PEX5: variants seen among roughly 807,000 people sequenced by gnomAD.
The protein encoded by PEX5 is PTS1 receptor.
PEX5 carries 52 observed loss-of-function variants against 82.9 expected under a neutral mutation model. The observed-to-expected ratio is 0.63, with a 90% confidence interval of 0.50 to 0.79. The LOEUF (loss-of-function observed/expected upper bound fraction) is 0.79, where lower values mean the gene tolerates loss of function less well. Among genes scored for constraint, PEX5 ranks in the 30% least tolerant of loss-of-function variants. The pLI is 0.00. For synonymous variants in PEX5, 300 were observed against 318.8 expected (o/e 0.94, Z 0.63); for missense variants, 719 against 815.2 (o/e 0.88, Z 1.44).
intron 10 of PEX5, among the ~76,000 whole-genome samples, chr12:7,207,211 G>C (rs926506860): frequency 2.6e-5 from 4 of 152,208 alleles, no homozygotes; most frequent in African/African-American, 9.7e-5. Flanking sequence ...AGTTATATTT[G>C]AATAGCAGGA....
chr12:7,210,376 C>G lies in PEX5; in HGVS notation c.*153C>G. 1.4e-6 allele frequency: 1 copy of G among 713,918 alleles called. No individual in the cohort carries two copies. Among genetic ancestry groups the G allele is most frequent in the Non-Finnish European group, 2.5e-6 (1 of 398,502 alleles). The allele number at this position is 713,918 out of a possible 1,614,324, so 44.2% of individuals were successfully genotyped here. ...CTGCCTCAACGTAGGGGTGGGTAGT[C>G]TGTGTTCTAGTTCCTACATAATTGT... On this transcript the variant is annotated 3_prime_UTR_variant, in exon 16 of 16. Coordinates refer to ENST00000675855, the MANE Select transcript of PEX5 (RefSeq NM_001351132.2).
Position 7,204,881 on chromosome 12 carries a change from G to GA in PEX5, c.966+1338dup, listed in dbSNP as rs777880393. ...AAATTAGAAAGCAAATTTTTTTTTA[G>GA]AAAAAAAATCACATTTGATCAGGTT... On this transcript the variant is annotated intron_variant, in intron 10 of 15. Transcript: ENST00000675855. Among the ~76,000 whole-genome samples, 529 of 149,872 alleles carry GA rather than the reference G, an allele frequency of 3.5e-3. 3 individuals carry two copies. The highest frequency in any genetic ancestry group is 0.011 in the African/African-American group (456 of 40,770).
At position 7,198,091 on chromosome 12, in the gene PEX5, G is replaced by A. The variant is rs997811447; in HGVS notation, c.449-920G>A. Among the ~76,000 whole-genome samples, 3 of 152,062 alleles carry A rather than the reference G, an allele frequency of 2.0e-5. 1 individual carries two copies. The highest frequency in any genetic ancestry group is 7.2e-5 in the African/African-American group (3 of 41,406). On this transcript the variant is annotated intron_variant, in intron 5 of 15. Transcript: ENST00000675855. The stretch of plus-strand genomic sequence containing the variant: ...GATAGTAAAGGGCAAAGTCCTGGAG[G>A]ATGAAAAACAGTTCAGCACCCTCAT...
At chr12:7,209,878 T>C (rs1193287689) in intron 15 of PEX5, 38 bp downstream of exon 15, 3 of 1,613,330 alleles carry the variant, frequency 1.9e-6, no homozygotes, top group Non-Finnish European at 1.7e-6. Context: ...AATGAGCTTT[T>C]TCTCCCTGCC....
chr12:7,216,200 T>C (rs149328549), downstream of PEX5, among the ~76,000 whole-genome samples: 2,930 of 152,284 alleles, frequency 0.019, 87 homozygotes, highest in African/African-American at 0.066. Context: ...ACTCCTGACG[T>C]CAGGTGATCC....
In PEX5 at chr12:7,190,424, C is replaced by T. The variant is rs149871252; in HGVS notation, c.47C>T (p.Pro16Leu). Residue 16 changes from proline (P) to leucine (L), a missense_variant, in exon 2 of 16, where the codon CCG becomes CTG. Transcript: ENST00000675855. ...LVEAECGGANPLMKLAGHFTQ... is the reference protein window; with the variant it reads ...LVEAECGGANLLMKLAGHFTQ... ...GAGGCCGAATGCGGGGGTGCCAACC[C>T]GCTCATGAAGCTCGCCGGGCACTTC... 3.7e-6 allele frequency: 6 copies of T among 1,614,092 alleles called. No homozygotes were observed. Among genetic ancestry groups the T allele is most frequent in the Non-Finnish European group, 5.1e-6 (6 of 1,180,046 alleles).
At chr12:7,191,452 T>G in intron 4 of PEX5, 94 bp downstream of exon 4, 1 of 1,598,962 alleles carries the variant, frequency 6.3e-7, no homozygotes. Context: ...ATTGGGGACC[T>G]GAGATGCAGA....
At chr12:7,195,772 C>T (rs1852014806) in intron 5 of PEX5, among the ~76,000 whole-genome samples, 1 of 151,282 alleles carries the variant, frequency 6.6e-6, no homozygotes, top group Admixed American at 6.6e-5. Context: ...TATTTTTCAA[C>T]AGAATGGAGC....
downstream of PEX5, among the ~76,000 whole-genome samples, chr12:7,211,645 CT>C (rs777791922): frequency 3.3e-3 from 477 of 146,096 alleles, 1 homozygote; most frequent in African/African-American, 0.011. Context: ...TTCTCTGGGC[CT>C]CTGGGCTAGC....
In PEX5 at chr12:7,210,205, G is replaced by A. The variant is rs145886418; in HGVS notation, c.1902G>A (p.Met634Ile). ...DARDLSTLLT[M>I]FGLPQ ...GGGATCTGTCCACCCTCCTAACTAT[G>A]TTTGGCCTGCCCCAGTGACAGTGGG... The change falls in exon 16 of 16, where the codon ATG becomes ATA. Residue 634 changes from methionine to isoleucine, a missense_variant. By Grantham distance (10) the Met-to-Ile change is conservative. Coordinates refer to ENST00000675855, the MANE Select transcript of PEX5 (RefSeq NM_001351132.2). 7.6e-5 allele frequency: 122 copies of A among 1,614,082 alleles called. No individual in the cohort carries two copies. The highest frequency in any genetic ancestry group is 3.3e-4 in the Middle Eastern group (2 of 6,082).
Position 7,189,938 on chromosome 12 carries a change from T to C in PEX5, c.-17+188T>C, listed in dbSNP as rs186539500. ...CCGGTGACTTAAGGGGAGGGAATGC[T>C]CCTCTGCCGTGCTCACCGCGTGCTG... On this transcript the variant is annotated intron_variant, in intron 1 of 15. Coordinates refer to ENST00000675855, the MANE Select transcript of PEX5 (RefSeq NM_001351132.2). 3,521 of 1,476,546 alleles carry C rather than the reference T, an allele frequency of 2.4e-3. 68 individuals carry two copies. The African/African-American group carries it at 0.041, about 17-fold the overall frequency. 91.5% of individuals were successfully genotyped at this position (1,476,546 alleles called of 1,614,324 possible). A position where few individuals can be genotyped will look rare whatever the true frequency, so the allele number is the denominator to read the frequency against.
intron 5 of PEX5, among the ~76,000 whole-genome samples, chr12:7,198,156 C>T (rs766530223): frequency 6.6e-6 from 1 of 152,242 alleles, no homozygotes; most frequent in South Asian, 2.1e-4. Context: ...GATGTTGCAG[C>T]AGTCCCCTTT....
chr12:7,208,305 A>G (rs1400661851), intron 12 of PEX5, 152 bp from the exon 13 acceptor site: 5 of 744,404 alleles, frequency 6.7e-6, no homozygotes, highest in Non-Finnish European at 9.6e-6. Flanking sequence ...TTCCCCTTAG[A>G]TCTGTAACTT....
At position 7,190,168 on chromosome 12, in the gene PEX5, A is replaced by AG. The variant is rs1430572894; in HGVS notation, c.-16-188dup. On this transcript the variant is annotated intron_variant, in intron 1 of 15. Coordinates refer to ENST00000675855, the MANE Select transcript of PEX5 (RefSeq NM_001351132.2). ...CGCAGGCTGGAAGCGGTGGCCTTTG[A>AG]GGGGGGCGGCAGGAGAGAGTACCGA... The AG allele has an allele frequency of 1.8e-5, 27 of 1,498,248 alleles. 1 individual carries two copies. The highest frequency in any genetic ancestry group is 2.8e-5 in the African/African-American group (2 of 71,788). 92.8% of individuals were successfully genotyped at this position (1,498,248 alleles called of 1,614,324 possible).
downstream of PEX5, among the ~76,000 whole-genome samples, chr12:7,214,831 G>A (rs956078176): frequency 4.6e-5 from 7 of 151,558 alleles, no homozygotes; most frequent in Non-Finnish European, 8.8e-5. Context: ...GGAAATCTTC[G>A]GATATAGACT....
chr12:7,201,194 T>C (rs10743271), intron 6 of PEX5, among the ~76,000 whole-genome samples: 42,144 of 149,208 alleles, frequency 0.28, 6,199 homozygotes, highest in South Asian at 0.36. Flanking sequence ...CACGCATACA[T>C]ACACATACAT....
Position 7,190,425 on chromosome 12 carries a change from G to A in PEX5, c.48G>A (p.Pro16=), listed in dbSNP as rs147958315. Residue 16 remains proline, a synonymous_variant, in exon 2 of 16, where the codon CCG becomes CCA. Transcript: ENST00000675855. ...LVEAECGGAN[P]LMKLAGHFTQ... ...AGGCCGAATGCGGGGGTGCCAACCCGCTCATGAAGCTCGCCGGGCACTTCA... is the reference window on the plus strand; with the variant it reads ...AGGCCGAATGCGGGGGTGCCAACCCACTCATGAAGCTCGCCGGGCACTTCA... The A allele has an allele frequency of 1.1e-4, 178 of 1,614,102 alleles. No homozygotes were observed. Among genetic ancestry groups the A allele is most frequent in the Non-Finnish European group, 1.4e-4 (168 of 1,180,048 alleles).
chr12:7,190,783 A>C, intron 2 of PEX5, 105 bp from the exon 3 acceptor site: 5 of 1,331,746 alleles, frequency 3.8e-6, no homozygotes, highest in Middle Eastern at 1.8e-4. Flanking sequence ...AATAAATGCA[A>C]CCATTTTATA....
Position 7,202,633 on chromosome 12 carries a change from G to GACC in PEX5, c.777_779dup (p.Asp259_Gln260insHis). The GACC allele has an allele frequency of 6.2e-7, 1 of 1,614,084 alleles. No homozygotes were observed. The highest frequency in any genetic ancestry group is 8.5e-7 in the Non-Finnish European group (1 of 1,179,984). On this transcript the variant is annotated inframe_insertion, in exon 9 of 16. Transcript: ENST00000675855. ...GCAGGGTACATCAGATGCCTGGGTT[G>GACC]ACCAGTTCACAAGACCAGTAAACAC...
Sources: gnomAD v4.1 joint callset for allele counts (sites outside exome capture counted in the v4.1 genomes callset) on GRCh38, gnomAD v4.1.1 for gene constraint, MANE v1.5 for transcripts, NCBI Gene and HGNC (gene_info 2026-07-23, HGNC 2026-07-21) for gene names.